PCDHA11: variants seen among roughly 807,000 people sequenced by gnomAD.
PCDHA11 encodes the protein protocadherin alpha 11.
PCDHA11 carries 61 observed loss-of-function variants against 70.3 expected under a neutral mutation model. That is an observed-to-expected ratio of 0.87 (90% confidence interval 0.71 to 1.07). PCDHA11 has a LOEUF of 1.07. Ranked by LOEUF, PCDHA11 falls within the 50% of genes least tolerant of loss-of-function variation. PCDHA11 has a pLI of 0.00. For synonymous variants in PCDHA11, 633 were observed against 555.1 expected, an observed-to-expected ratio of 1.14 and a Z score of -1.97; for missense variants, 1,324 against 1,237.5, an observed-to-expected ratio of 1.07 and a Z score of -1.05.
At chr5:140,967,511 G>T (rs1402187059) in intron 1 of PCDHA11, 2 of 1,612,876 alleles carry the variant, frequency 1.2e-6, no homozygotes, top group Non-Finnish European at 8.5e-7. Flanking sequence ...GCGTGTCCTG[G>T]ACACTAACGA....
At chr5:140,976,241 T>C (rs1170027788) in intron 1 of PCDHA11, among the ~76,000 whole-genome samples, 3 of 152,144 alleles carry the variant, frequency 2.0e-5, no homozygotes, top group African/African-American at 4.8e-5. Context: ...TGTCATTTCA[T>C]GTAAATTTAT....
chr5:140,993,462 TCACACACACACACACA>T (rs3836747), intron 3 of PCDHA11, among the ~76,000 whole-genome samples: 191 of 141,044 alleles, frequency 1.4e-3, no homozygotes, highest in African/African-American at 3.8e-3. Context: ...TCTTTCTTTC[TCACACACACACACACA>T]CACACACACA....
At chr5:140,893,327 GT>G (rs2063928643) in intron 1 of PCDHA11, among the ~76,000 whole-genome samples, 1 of 152,164 alleles carries the variant, frequency 6.6e-6, no homozygotes, top group Non-Finnish European at 1.5e-5. Flanking sequence ...CTCCCATACT[GT>G]TTTCCTTAGT....
chr5:140,871,008 C>A lies in PCDHA11; in HGVS notation c.1905C>A (p.Ala635=), dbSNP rs782247452. ...LYTGEISTTR[A]LDEADSPRHR... Reference sequence around the variant, plus strand: ...CGGGCGAGATAAGCACAACGCGTGCCCTGGACGAGGCAGACTCGCCGCGCC... The same window carrying A: ...CGGGCGAGATAAGCACAACGCGTGCACTGGACGAGGCAGACTCGCCGCGCC... The change falls in exon 1 of 4, where the codon GCC becomes GCA. Residue 635 remains alanine (A), a synonymous_variant. Transcript: ENST00000398640. The A allele has an allele frequency of 5.6e-6, 9 of 1,613,284 alleles. No homozygotes were observed. The African/African-American group carries it at 1.1e-4, about 19-fold the overall frequency.
chr5:140,985,900 C>A (rs896937826), intron 3 of PCDHA11, among the ~76,000 whole-genome samples: 2 of 151,872 alleles, frequency 1.3e-5, no homozygotes, highest in Non-Finnish European at 2.9e-5. Context: ...CCACCACTCC[C>A]GTCTAATTTT....
chr5:140,884,484 T>TA, intron 1 of PCDHA11: 1 of 1,613,922 alleles, frequency 6.2e-7, no homozygotes, highest in Non-Finnish European at 8.5e-7. Flanking sequence ...AAGCCCACTC[T>TA]AGTGTGCTCC....
intron 3 of PCDHA11, among the ~76,000 whole-genome samples, chr5:140,984,824 C>T (rs920985683): frequency 6.6e-6 from 1 of 151,980 alleles, no homozygotes; most frequent in African/African-American, 2.4e-5. Flanking sequence ...TCTTAATTAC[C>T]CTTTCTGTAA....
At chr5:141,004,179 G>A (rs2098156608) in intron 3 of PCDHA11, among the ~76,000 whole-genome samples, 1 of 152,206 alleles carries the variant, frequency 6.6e-6, no homozygotes, top group Non-Finnish European at 1.5e-5. Flanking sequence ...CAAGTGTCTT[G>A]AGTGCTCTTA....
intron 1 of PCDHA11, among the ~76,000 whole-genome samples, chr5:140,890,662 C>T (rs75284753): frequency 0.011 from 1,622 of 152,252 alleles, 17 homozygotes; most frequent in African/African-American, 0.028. Flanking sequence ...CAAAAGTTAA[C>T]TGAAACCCTT....
At chr5:140,997,884 C>G (rs2097789340) in intron 3 of PCDHA11, among the ~76,000 whole-genome samples, 1 of 152,076 alleles carries the variant, frequency 6.6e-6, no homozygotes, top group African/African-American at 2.4e-5. Context: ...AGTATTTATA[C>G]AGGATAAATT....
chr5:140,985,471 G>A (rs926791157), intron 3 of PCDHA11, among the ~76,000 whole-genome samples: 4 of 152,148 alleles, frequency 2.6e-5, no homozygotes, highest in African/African-American at 9.7e-5. Flanking sequence ...AAAAAATTTG[G>A]TTGTTTCCAG....
At chr5:140,882,577 C>A (rs370671644) in intron 1 of PCDHA11, 3 of 1,614,238 alleles carry the variant, frequency 1.9e-6, no homozygotes, top group South Asian at 2.2e-5. Flanking sequence ...CGGAGTGCAG[C>A]ATCCACCTGG....
intron 1 of PCDHA11, chr5:140,878,044 G>A (rs1554170271): frequency 1.9e-6 from 1 of 516,218 alleles, no homozygotes; most frequent in Admixed American, 3.9e-5. Flanking sequence ...TGGAGGCCAT[G>A]GAGCACCACA....
chr5:140,875,910 G>A, intron 1 of PCDHA11: 1 of 1,614,172 alleles, frequency 6.2e-7, no homozygotes, highest in South Asian at 1.1e-5. Context: ...CTGAATCTGC[G>A]CCTCTGGACT....
chr5:140,873,557 T>C (rs1347474996), intron 1 of PCDHA11, among the ~76,000 whole-genome samples: 1 of 150,760 alleles, frequency 6.6e-6, no homozygotes, highest in Non-Finnish European at 1.5e-5. Context: ...TTTCAATTTA[T>C]TTTCTAGTTT....
intron 1 of PCDHA11, among the ~76,000 whole-genome samples, chr5:140,875,000 C>A (rs2055209641): frequency 3.3e-5 from 5 of 152,130 alleles, no homozygotes; most frequent in Admixed American, 3.3e-4. Flanking sequence ...TATCATTTTC[C>A]ATGATAAAGT....
intron 1 of PCDHA11, among the ~76,000 whole-genome samples, chr5:140,942,962 A>G (rs2153660638): frequency 6.6e-6 from 1 of 152,216 alleles, no homozygotes; most frequent in South Asian, 2.1e-4. Flanking sequence ...CTGTTATCAG[A>G]ATTAAATTTT....
Position 140,872,869 on chromosome 5 carries a change from T to G in PCDHA11, c.2391+1375T>G, listed in dbSNP as rs192241401. On this transcript the variant is annotated intron_variant, in intron 1 of 3. Coordinates refer to ENST00000398640, the MANE Select transcript of PCDHA11 (RefSeq NM_018902.5). ...ATTAATGTGAGTACCTACTGACAAT[T>G]ATCAGTTTCATTCATCTCACTTTGT... is the stretch of plus-strand genomic sequence containing the variant. 4.6e-5 allele frequency among the ~76,000 whole-genome samples: 7 copies of G among 152,364 alleles called. No individual in the cohort carries two copies. In the East Asian group the frequency reaches 1.3e-3, roughly 29 times the overall value.
chr5:140,879,744 A>T (rs1356373675), intron 1 of PCDHA11, among the ~76,000 whole-genome samples: 1 of 152,212 alleles, frequency 6.6e-6, no homozygotes, highest in Admixed American at 6.5e-5. Flanking sequence ...AGGTGTTGTC[A>T]AGGCTATACT....
Sources: allele counts gnomAD v4.1 joint callset (sites outside exome capture counted in the v4.1 genomes callset), GRCh38; gene constraint gnomAD v4.1.1; transcripts MANE v1.5; gene names NCBI Gene and HGNC (gene_info 2026-07-23, HGNC 2026-07-21).